RELN: variants seen among roughly 807,000 people sequenced by gnomAD.
RELN encodes reelin.
In RELN, 108 loss-of-function variants were observed where a neutral mutation model predicts 427.6. The ratio of observed to expected loss-of-function variants is 0.25; its 90% CI spans 0.22 to 0.30. The LOEUF (loss-of-function observed/expected upper bound fraction) is 0.30. Ranked by LOEUF, RELN falls within the 10% of genes least tolerant of loss-of-function variation. The pLI, the probability that RELN is intolerant of heterozygous loss-of-function variation, is 1.00. For synonymous variants in RELN, 1,524 were observed against 1,513.4 expected (o/e 1.01, Z -0.16); for missense variants, 3,715 against 4,302.8 (o/e 0.86, Z 3.82).
At chr7:103,594,569 G>A in intron 25 of RELN, 77 bp from the exon 26 acceptor site, 7 of 1,449,738 alleles carry the variant, frequency 4.8e-6, no homozygotes, top group South Asian at 2.3e-5. Flanking sequence ...AAACAACAAG[G>A]GTAACAACAA....
chr7:103,923,212 A>G (rs543254400), intron 1 of RELN, among the ~76,000 whole-genome samples: 37 of 152,160 alleles, frequency 2.4e-4, no homozygotes, highest in Non-Finnish European at 4.4e-4. Flanking sequence ...AACTGAGCAT[A>G]TTTGCTGCAA....
chr7:103,944,515 G>T (rs76163800), intron 1 of RELN, among the ~76,000 whole-genome samples: 3,323 of 152,250 alleles, frequency 0.022, 120 homozygotes, highest in African/African-American at 0.075. Flanking sequence ...GGACCATTAA[G>T]GAGCCCTCTG....
intron 32 of RELN, 42 bp downstream of exon 32, chr7:103,566,559 G>A: frequency 6.2e-7 from 1 of 1,612,380 alleles, no homozygotes; most frequent in Non-Finnish European, 8.5e-7. Flanking sequence ...GATACTTCAT[G>A]ACCTAAAAGC....
intron 1 of RELN, among the ~76,000 whole-genome samples, chr7:103,926,640 T>TG (rs1795745979): frequency 1.1e-4 from 3 of 28,092 alleles, no homozygotes; most frequent in South Asian, 2.3e-3. Context: ...TTTTTTTTTT[T>TG]TTTTTTTTTT....
chr7:103,603,200 A>G lies in RELN; in HGVS notation c.3333+104T>C, dbSNP rs937070852. 9 of 930,372 alleles carry G rather than the reference A, an allele frequency of 9.7e-6. No homozygotes were observed. The highest frequency in any genetic ancestry group is 1.2e-5 in the Non-Finnish European group (7 of 562,224). The allele number at this position is 930,372 out of a possible 1,614,324, so 57.6% of individuals were successfully genotyped here. On this transcript the variant is annotated intron_variant, in intron 24 of 64. Transcript: ENST00000428762. This position sits in a 1 kb window ranked among gnomAD's most constrained non-coding sequence, Gnocchi z 4.3. ...GATAGAGCCCACTCAAAAGCGGGGA[A>G]CGTGGGGAACAATAGAACCACTTCA...
At chr7:103,773,154 TTCTTTCTTTC>T (rs1170780449) in intron 4 of RELN, among the ~76,000 whole-genome samples, 16 of 140,392 alleles carry the variant, frequency 1.1e-4, no homozygotes, top group African/African-American at 4.3e-4. Context: ...CTTTCTTTCT[TTCTTTCTTTC>T]TTTTTCTTTC....
chr7:103,665,137 A>G (rs1252011085), intron 11 of RELN, among the ~76,000 whole-genome samples: 1 of 152,132 alleles, frequency 6.6e-6, no homozygotes, highest in Non-Finnish European at 1.5e-5. Context: ...TTTGAGATCC[A>G]ATATGGTTTT....
chr7:103,863,429 G>T (rs935284011), intron 2 of RELN, among the ~76,000 whole-genome samples: 4 of 152,134 alleles, frequency 2.6e-5, no homozygotes, highest in Non-Finnish European at 4.4e-5. Context: ...GAGGTCATTA[G>T]TGAGAGAGAA....
chr7:103,602,446 G>C (rs1831693625), intron 24 of RELN, among the ~76,000 whole-genome samples: 1 of 152,186 alleles, frequency 6.6e-6, no homozygotes. Flanking sequence ...GCCCATCAAT[G>C]ATAGACTGGA....
chr7:103,940,404 G>C (rs1796086824), intron 1 of RELN, among the ~76,000 whole-genome samples: 1 of 152,234 alleles, frequency 6.6e-6, no homozygotes, highest in African/African-American at 2.4e-5. Context: ...CAAACTATTA[G>C]ATTTGTTATT....
At chr7:103,734,997 T>C (rs762195119) in intron 6 of RELN, among the ~76,000 whole-genome samples, 6 of 152,184 alleles carry the variant, frequency 3.9e-5, no homozygotes, top group African/African-American at 1.4e-4. Flanking sequence ...TCATATTCAG[T>C]ACCCCTTTGG....
chr7:103,885,131 A>T (rs1794695593), intron 2 of RELN, among the ~76,000 whole-genome samples: 1 of 152,066 alleles, frequency 6.6e-6, no homozygotes, highest in African/African-American at 2.4e-5. Context: ...TGAGGTCAGG[A>T]GATCAAAACC....
intron 2 of RELN, among the ~76,000 whole-genome samples, chr7:103,840,048 C>A (rs569067381): frequency 1.3e-5 from 2 of 152,328 alleles, no homozygotes; most frequent in South Asian, 4.1e-4. Flanking sequence ...ATACTTGCTT[C>A]CCCTTCACCA....
At chr7:103,889,312 G>C (rs998102376) in intron 2 of RELN, among the ~76,000 whole-genome samples, 4 of 152,162 alleles carry the variant, frequency 2.6e-5, no homozygotes, top group Admixed American at 2.6e-4. Flanking sequence ...GAATGTTCAT[G>C]GCAAGAAGTT....
intron 22 of RELN, among the ~76,000 whole-genome samples, chr7:103,610,183 A>G (rs1053230636): frequency 4.6e-5 from 7 of 152,216 alleles, no homozygotes; most frequent in Non-Finnish European, 1.0e-4. Flanking sequence ...CTTTCACACT[A>G]TCAAATGTTT....
At chr7:103,494,626 C>G in intron 57 of RELN, among the ~76,000 whole-genome samples, 1 of 146,546 alleles carries the variant, frequency 6.8e-6, no homozygotes, top group African/African-American at 2.7e-5. Flanking sequence ...CTCAGAGATC[C>G]TTCCTCCTTG....
At chr7:103,596,392 C>A in intron 25 of RELN, 64 bp downstream of exon 25, 1 of 1,416,370 alleles carries the variant, frequency 7.1e-7, no homozygotes, top group South Asian at 1.2e-5. Flanking sequence ...GGAAACACAT[C>A]AACAATGATT....
rs569341306 is a variant in RELN at position 103,564,362 on chromosome 7, G to A, written c.5210+916C>T. ...GGAATTGGATGTATAGCAAGTGGCA[G>A]AGCAGAGAAGCCAGTAGAAGCAGTG... On this transcript the variant is annotated intron_variant, in intron 34 of 64. Coordinates refer to ENST00000428762, the MANE Select transcript of RELN (RefSeq NM_005045.4). 2.5e-4 allele frequency among the ~76,000 whole-genome samples: 38 copies of A among 152,348 alleles called. No individual in the cohort carries two copies. The South Asian group carries it at 7.5e-3, about 30-fold the overall frequency.
At chr7:103,830,464 T>G (rs1793248599) in intron 3 of RELN, among the ~76,000 whole-genome samples, 1 of 151,984 alleles carries the variant, frequency 6.6e-6, no homozygotes. Context: ...AGCCTTACTT[T>G]TTGAGGTTAA....
Sources: allele counts gnomAD v4.1 joint callset (sites outside exome capture counted in the v4.1 genomes callset), GRCh38; gene constraint gnomAD v4.1.1; non-coding constraint Gnocchi (gnomAD v3.1); transcripts MANE v1.5; gene names NCBI Gene and HGNC (gene_info 2026-07-23, HGNC 2026-07-21).